The following KRABD5 variants were observed in gnomAD, a reference collection of about 807,000 sequenced individuals.
The protein encoded by KRABD5 is KRAB domain-containing protein 5.
At chr16:31,758,866 A>G in the KRABD5 span, 3 of 152,130 alleles carry the variant, frequency 2.0e-5, no homozygotes, top group Non-Finnish European at 4.4e-5. Flanking sequence ...AATTTCTTAG[A>G]CTTGTGACTA....
At chr16:31,750,072 G>A in the KRABD5 span, among the ~76,000 whole-genome samples, 1 of 152,122 alleles carries the variant, frequency 6.6e-6, no homozygotes, top group Non-Finnish European at 1.5e-5. Context: ...CTAATTCTGT[G>A]AAAAATGACG....
the KRABD5 span, among the ~76,000 whole-genome samples, chr16:31,741,145 AT>A: frequency 4.4e-4 from 66 of 151,134 alleles, no homozygotes; most frequent in African/African-American, 5.9e-4. Flanking sequence ...ACATGATTTT[AT>A]TTTTTTTATG....
the KRABD5 span, chr16:31,723,327 G>GT: frequency 1.2e-5 from 19 of 1,613,866 alleles, no homozygotes; most frequent in East Asian, 4.2e-4. Context: ...AATGTGAAGA[G>GT]TGCAGAGACA....
At chr16:31,716,350 A>T in the KRABD5 span, among the ~76,000 whole-genome samples, 1 of 152,104 alleles carries the variant, frequency 6.6e-6, no homozygotes, top group Non-Finnish European at 1.5e-5. Flanking sequence ...CCCATGTGAG[A>T]GTTCTTAGTA....
the KRABD5 span, chr16:31,723,107 C>T: frequency 1.2e-6 from 1 of 859,204 alleles, no homozygotes; most frequent in Non-Finnish European, 1.8e-6. Context: ...AAAATGCTTC[C>T]TGAATATTCT....
the KRABD5 span, among the ~76,000 whole-genome samples, chr16:31,728,384 T>C: frequency 6.6e-6 from 1 of 152,122 alleles, no homozygotes; most frequent in African/African-American, 2.4e-5. Context: ...TTGAGTTAGA[T>C]TGCTTATTCA....
At chr16:31,741,655 AT>A in the KRABD5 span, among the ~76,000 whole-genome samples, 3 of 150,648 alleles carry the variant, frequency 2.0e-5, no homozygotes, top group Non-Finnish European at 4.4e-5. Context: ...TAATGGGGTT[AT>A]TTTTTTTCTT....
At chr16:31,739,444 G>A in the KRABD5 span, among the ~76,000 whole-genome samples, 1 of 151,806 alleles carries the variant, frequency 6.6e-6, no homozygotes, top group Admixed American at 6.6e-5. Context: ...CCTTGCATAT[G>A]CCAAGTCACA....
chr16:31,753,334 C>G, the KRABD5 span, among the ~76,000 whole-genome samples: 20 of 152,320 alleles, frequency 1.3e-4, 1 homozygote, highest in East Asian at 3.9e-3. Context: ...CATATCATTT[C>G]AACTATATCA....
the KRABD5 span, chr16:31,758,014 T>C: frequency 6.6e-6 from 1 of 152,182 alleles, no homozygotes; most frequent in African/African-American, 2.4e-5. Flanking sequence ...TTCCAAACTC[T>C]TGAGGGCCAA....
chr16:31,746,951 G>A, the KRABD5 span, among the ~76,000 whole-genome samples: 261 of 150,370 alleles, frequency 1.7e-3, no homozygotes, highest in African/African-American at 5.9e-3. Context: ...CTCATGCTGT[G>A]TTTCTCAGCT....
At chr16:31,716,253 A>C in the KRABD5 span, among the ~76,000 whole-genome samples, 53 of 152,308 alleles carry the variant, frequency 3.5e-4, no homozygotes, top group Non-Finnish European at 6.6e-4. Context: ...ATCTGCCTGC[A>C]TGGACACAGG....
the KRABD5 span, among the ~76,000 whole-genome samples, chr16:31,744,133 T>G: frequency 6.6e-6 from 1 of 152,220 alleles, no homozygotes; most frequent in Admixed American, 6.5e-5. Context: ...CTTGCCTGAT[T>G]GCCCTGGCCA....
At chr16:31,736,294 G>A in the KRABD5 span, among the ~76,000 whole-genome samples, 2 of 152,008 alleles carry the variant, frequency 1.3e-5, no homozygotes, top group Admixed American at 6.6e-5. Context: ...TTGGGATACT[G>A]TAGCTTTGTA....
the KRABD5 span, among the ~76,000 whole-genome samples, chr16:31,737,875 T>C: frequency 1.5e-4 from 23 of 152,290 alleles, no homozygotes; most frequent in South Asian, 4.8e-3. Flanking sequence ...TCCATTAATA[T>C]TTTGATGGAG....
the KRABD5 span, among the ~76,000 whole-genome samples, chr16:31,721,277 C>G: frequency 6.6e-6 from 1 of 152,038 alleles, no homozygotes; most frequent in Non-Finnish European, 1.5e-5. Flanking sequence ...GTTACCATTT[C>G]TATGTACGTA....
At chr16:31,745,918 T>G in the KRABD5 span, among the ~76,000 whole-genome samples, 1 of 152,214 alleles carries the variant, frequency 6.6e-6, no homozygotes. Context: ...AAAGTCTATT[T>G]TGTCAGAAAC....
At chr16:31,751,465 A>G in the KRABD5 span, among the ~76,000 whole-genome samples, 307 of 152,166 alleles carry the variant, frequency 2.0e-3, 2 homozygotes, top group African/African-American at 6.9e-3. Flanking sequence ...TCAGAACTTG[A>G]TACTGGTTTG....
the KRABD5 span, among the ~76,000 whole-genome samples, chr16:31,730,662 G>A: frequency 6.6e-6 from 1 of 151,760 alleles, no homozygotes; most frequent in African/African-American, 2.4e-5. Context: ...TTCTTCTTCT[G>A]AAAATCCTAA....
Sources: gnomAD v4.1 joint callset for allele counts (sites outside exome capture counted in the v4.1 genomes callset) on GRCh38, gnomAD v4.1.1 for gene constraint, MANE v1.5 for transcripts, NCBI Gene and HGNC (gene_info 2026-07-23, HGNC 2026-07-21) for gene names.